PCDH11X: variants seen among roughly 807,000 people sequenced by gnomAD.
The protein encoded by PCDH11X is protocadherin 11 X-linked, also known as protocadherin-11 X-linked.
PCDH11X carries 18 observed loss-of-function variants against 53.3 expected under a neutral mutation model. The ratio of observed to expected loss-of-function variants is 0.34; its 90% CI spans 0.23 to 0.50. The LOEUF is 0.50. PCDH11X is among the 20% of genes least tolerant of loss of function. PCDH11X has a pLI of 0.98. For synonymous variants in PCDH11X, 279 were observed against 393.3 expected (o/e 0.71, Z 3.44); for missense variants, 570 against 1,032.4 (o/e 0.55, Z 6.14).
chrX:92,388,330 T>C (rs774842516), intron 9 of PCDH11X, among the ~76,000 whole-genome samples: 4 of 110,210 alleles, frequency 3.6e-5, no homozygotes, highest in Non-Finnish European at 7.6e-5. Flanking sequence ...ATAAAAACCA[T>C]TGACAGTTAT....
At chrX:92,059,748 G>A (rs1265789569) in intron 6 of PCDH11X, among the ~76,000 whole-genome samples, 2 of 110,274 alleles carry the variant, frequency 1.8e-5, no homozygotes, top group African/African-American at 6.6e-5. Context: ...GAACAAAGCC[G>A]GGCTTTTGAT....
At chrX:92,490,008 G>A (rs1186576858) in intron 10 of PCDH11X, among the ~76,000 whole-genome samples, 2 of 106,987 alleles carry the variant, frequency 1.9e-5, no homozygotes, top group Non-Finnish European at 3.8e-5. Flanking sequence ...GATATTCAAG[G>A]CAGAAAGATA....
rs16987703 is a variant in PCDH11X, at chrX:92,172,696, T to C, written c.3034-28679T>C. On this transcript the variant is annotated intron_variant, in intron 6 of 10. Coordinates refer to ENST00000682573, the MANE Select transcript of PCDH11X (RefSeq NM_032968.5). ...AGCACATAACAGCATATAGTTTCCA[T>C]TGGTTAAAGAAGAACATTTATATGG... Among the ~76,000 whole-genome samples the C allele has an allele frequency of 8.0e-3, 899 of 111,848 alleles. 6 individuals are homozygous for C. The highest frequency in any genetic ancestry group is 0.028 in the African/African-American group (862 of 30,880).
chrX:91,944,448 T>C (rs1928248597), intron 6 of PCDH11X, among the ~76,000 whole-genome samples: 1 of 104,504 alleles, frequency 9.6e-6, no homozygotes, highest in Non-Finnish European at 2.0e-5. Flanking sequence ...AATATCTGTA[T>C]AGAAATCATG....
chrX:92,130,872 G>A (rs1467360393), intron 6 of PCDH11X, among the ~76,000 whole-genome samples: 1 of 109,941 alleles, frequency 9.1e-6, no homozygotes, highest in Non-Finnish European at 1.9e-5. Context: ...TTATGGTACA[G>A]TAGGTACAAC....
At chrX:91,968,000 C>T (rs993119674) in intron 6 of PCDH11X, among the ~76,000 whole-genome samples, 1 of 111,632 alleles carries the variant, frequency 9.0e-6, no homozygotes, top group East Asian at 2.8e-4. Flanking sequence ...AGAACTTGAA[C>T]AATGTCTTCT....
intron 10 of PCDH11X, among the ~76,000 whole-genome samples, chrX:92,551,230 A>G (rs1274162919): frequency 1.8e-5 from 2 of 111,480 alleles, no homozygotes; most frequent in Non-Finnish European, 3.8e-5. Flanking sequence ...CCTTTTCTCT[A>G]CATCTGTGCT....
intron 4 of PCDH11X, among the ~76,000 whole-genome samples, chrX:91,833,818 T>C (rs1261562825): frequency 8.9e-6 from 1 of 111,917 alleles, no homozygotes; most frequent in Admixed American, 9.6e-5. Flanking sequence ...AGTTATTTCA[T>C]ATAACACATT....
At chrX:92,456,025 G>A (rs1023273018) in intron 9 of PCDH11X, among the ~76,000 whole-genome samples, 5 of 111,806 alleles carry the variant, frequency 4.5e-5, no homozygotes, top group Non-Finnish European at 7.5e-5. Flanking sequence ...AAATCATTTC[G>A]GAAAGTTTTT....
At chrX:92,353,916 C>T (rs1156366944) in intron 8 of PCDH11X, among the ~76,000 whole-genome samples, 1 of 104,083 alleles carries the variant, frequency 9.6e-6, no homozygotes, top group Non-Finnish European at 2.0e-5. Flanking sequence ...ATATTAGTCA[C>T]TGTTAAATGA....
intron 6 of PCDH11X, among the ~76,000 whole-genome samples, chrX:92,101,675 C>G (rs1212948406): frequency 8.2e-5 from 9 of 110,078 alleles, no homozygotes; most frequent in Non-Finnish European, 3.8e-5. Context: ...GTAGGAAAGG[C>G]CTTTACTTAT....
intron 10 of PCDH11X, among the ~76,000 whole-genome samples, chrX:92,538,333 G>A (rs1232886322): frequency 9.6e-6 from 1 of 103,716 alleles, no homozygotes; most frequent in African/African-American, 3.5e-5. Context: ...GACATGTTAT[G>A]TCCTTTCATT....
At chrX:92,200,876 T>C (rs1290508797) in intron 6 of PCDH11X, among the ~76,000 whole-genome samples, 2 of 90,705 alleles carry the variant, frequency 2.2e-5, no homozygotes, top group African/African-American at 7.7e-5. Flanking sequence ...AATATTTTAT[T>C]TTTTATCTTT....
intron 5 of PCDH11X, among the ~76,000 whole-genome samples, chrX:91,841,682 C>A (rs778716954): frequency 6.7e-4 from 74 of 111,115 alleles, no homozygotes; most frequent in African/African-American, 2.4e-3. Flanking sequence ...TTACACAGAT[C>A]TAATTGTCTT....
chrX:92,015,682 G>C (rs1004666643), intron 6 of PCDH11X, among the ~76,000 whole-genome samples: 3 of 111,905 alleles, frequency 2.7e-5, no homozygotes, highest in African/African-American at 9.7e-5. Flanking sequence ...AGCTCCACTT[G>C]TAAGTCTAGT....
chrX:92,196,419 C>A (rs1471634004), intron 6 of PCDH11X, among the ~76,000 whole-genome samples: 3 of 111,252 alleles, frequency 2.7e-5, no homozygotes, highest in Non-Finnish European at 5.7e-5. Context: ...TTTGAAGTTT[C>A]AACTAAATTC....
intron 6 of PCDH11X, among the ~76,000 whole-genome samples, chrX:92,107,318 T>G (rs1015603548): frequency 5.3e-5 from 6 of 112,257 alleles, no homozygotes; most frequent in African/African-American, 1.9e-4. Context: ...TCCTTAACCT[T>G]GGCAAAATAA....
intron 10 of PCDH11X, among the ~76,000 whole-genome samples, chrX:92,514,810 G>A: frequency 9.2e-6 from 1 of 108,905 alleles, no homozygotes; most frequent in East Asian, 2.9e-4. Context: ...TACCTTGGGA[G>A]GCCGAGGCAG....
chrX:92,174,522 C>CA (rs1426614784), intron 6 of PCDH11X, among the ~76,000 whole-genome samples: 5 of 111,324 alleles, frequency 4.5e-5, no homozygotes, highest in Non-Finnish European at 7.5e-5. Context: ...ACGTGAGAAT[C>CA]AAAAAATGTA....
Sources: gnomAD v4.1 joint callset for allele counts (sites outside exome capture counted in the v4.1 genomes callset) on GRCh38, gnomAD v4.1.1 for gene constraint, MANE v1.5 for transcripts, NCBI Gene and HGNC (gene_info 2026-07-23, HGNC 2026-07-21) for gene names.